CHD9: variants seen among roughly 807,000 people sequenced by gnomAD.
The protein encoded by CHD9 is chromodomain helicase DNA binding protein 9, also known as ATP-dependent chromatin remodeler CHD9.
A neutral mutation model predicts 316.1 loss-of-function variants in CHD9; 77 were observed. That is an observed-to-expected ratio of 0.24 (90% CI 0.20 to 0.29). CHD9 has a LOEUF of 0.29. Among genes scored for constraint, CHD9 ranks in the 10% least tolerant of loss-of-function variants. The pLI is 1.00. For synonymous variants in CHD9, 1,129 were observed against 1,158.3 expected, an observed-to-expected ratio of 0.97 and a Z score of 0.51; for missense variants, 2,763 against 3,438.1, an observed-to-expected ratio of 0.80 and a Z score of 4.91.
intron 1 of CHD9, among the ~76,000 whole-genome samples, chr16:53,065,929 G>A (rs2033458781): frequency 1.3e-5 from 2 of 152,142 alleles, no homozygotes; most frequent in African/African-American, 4.8e-5. Flanking sequence ...TTTGTCCAGA[G>A]ACACATCCTG....
Position 53,307,747 on chromosome 16 carries a change from G to A in CHD9, c.6847G>A (p.Ala2283Thr), listed in dbSNP as rs762018659. 6 of 1,612,476 alleles carry A rather than the reference G, an allele frequency of 3.7e-6. No homozygotes were observed. The South Asian group carries it at 5.5e-5, about 15-fold the overall frequency. ...QTVLKGKWPS[A>T]RRSYDANTVA... Reference sequence around the variant, plus strand: ...AGTTCTGAAAGGAAAGTGGCCTTCAGCTAGAAGAAGTTATGATGCTAACAC... The same window carrying A: ...AGTTCTGAAAGGAAAGTGGCCTTCAACTAGAAGAAGTTATGATGCTAACAC... Residue 2283 changes from alanine (A) to threonine (T), a missense_variant, in exon 33 of 39, where the codon GCT becomes ACT. Transcript: ENST00000447540.
chr16:53,280,641 A>G (rs553814850), intron 24 of CHD9, among the ~76,000 whole-genome samples: 91 of 152,134 alleles, frequency 6.0e-4, no homozygotes, highest in African/African-American at 2.1e-3. Flanking sequence ...TCATGTAACC[A>G]AATACCACCT....
intron 24 of CHD9, among the ~76,000 whole-genome samples, chr16:53,284,023 G>A (rs1260764840): frequency 6.6e-6 from 1 of 151,964 alleles, no homozygotes; most frequent in East Asian, 1.9e-4. Flanking sequence ...CTTGTCCTAG[G>A]AACATGTCGA....
chr16:53,228,960 T>C (rs1240991639), intron 7 of CHD9, 23 bp from the exon 8 acceptor site: 4 of 1,078,242 alleles, frequency 3.7e-6, no homozygotes, highest in Non-Finnish European at 5.3e-6. Context: ...CATTCTAATA[T>C]ATTATTTTTA....
At chr16:53,070,433 T>C (rs1449284915) in intron 1 of CHD9, among the ~76,000 whole-genome samples, 1 of 152,146 alleles carries the variant, frequency 6.6e-6, no homozygotes, top group African/African-American at 2.4e-5. Flanking sequence ...TCATGTAAGG[T>C]TAAGGATACA....
intron 1 of CHD9, among the ~76,000 whole-genome samples, chr16:53,146,419 G>GTGTATATATATATATATATATATATA (rs1555492145): frequency 2.9e-4 from 22 of 76,702 alleles, no homozygotes; most frequent in African/African-American, 7.1e-4. Flanking sequence ...GTGTGTGTAT[G>GTGTATATATATATATATATATATATA]TATATATATA....
At chr16:53,227,778 C>T in intron 7 of CHD9, 175 bp downstream of exon 7, 1 of 194,144 alleles carries the variant, frequency 5.2e-6, no homozygotes, top group Non-Finnish European at 1.0e-5. Context: ...CATTTGAAAA[C>T]CTTTCATGTT....
At chr16:53,312,357 A>C (rs2056539102) in intron 34 of CHD9, among the ~76,000 whole-genome samples, 1 of 152,224 alleles carries the variant, frequency 6.6e-6, no homozygotes, top group Admixed American at 6.5e-5. Context: ...ACGTTGGAAA[A>C]GAGGAAAGTC....
At chr16:53,093,426 A>G (rs1016172383) in intron 1 of CHD9, among the ~76,000 whole-genome samples, 3 of 152,204 alleles carry the variant, frequency 2.0e-5, no homozygotes, top group Non-Finnish European at 2.9e-5. Flanking sequence ...GTTAGGGATT[A>G]TCATCATCAT....
intron 30 of CHD9, among the ~76,000 whole-genome samples, chr16:53,302,385 C>G (rs556959009): frequency 6.6e-6 from 1 of 152,270 alleles, no homozygotes; most frequent in South Asian, 2.1e-4. Context: ...TGAGGTCATG[C>G]ATTTTTGGCA....
At chr16:53,236,734 T>A (rs2048665629) in intron 11 of CHD9, among the ~76,000 whole-genome samples, 1 of 151,722 alleles carries the variant, frequency 6.6e-6, no homozygotes, top group Non-Finnish European at 1.5e-5. Context: ...GCTTCATTGG[T>A]TAGTAGTTGG....
intron 24 of CHD9, among the ~76,000 whole-genome samples, chr16:53,280,173 A>ATT (rs2053266135): frequency 6.6e-6 from 1 of 152,196 alleles, no homozygotes; most frequent in East Asian, 1.9e-4. Flanking sequence ...ACTACTGGGT[A>ATT]TTTACCCAGA....
At chr16:53,204,345 A>G (rs2045723685) in intron 2 of CHD9, among the ~76,000 whole-genome samples, 1 of 152,194 alleles carries the variant, frequency 6.6e-6, no homozygotes, top group Non-Finnish European at 1.5e-5. Context: ...TGTTGGTTAC[A>G]TGTGAAATTA....
chr16:53,294,206 A>G (rs1174090954), intron 29 of CHD9, among the ~76,000 whole-genome samples: 1 of 152,190 alleles, frequency 6.6e-6, no homozygotes, highest in East Asian at 1.9e-4. Context: ...GTACATGGAA[A>G]AGAATAGCTA....
chr16:53,067,335 T>C (rs928660368), intron 1 of CHD9, among the ~76,000 whole-genome samples: 1 of 152,270 alleles, frequency 6.6e-6, no homozygotes, highest in Non-Finnish European at 1.5e-5. Context: ...CAACCTGATA[T>C]TGATACATTA....
chr16:53,264,154 G>A (rs956449425), intron 20 of CHD9, among the ~76,000 whole-genome samples: 4 of 152,134 alleles, frequency 2.6e-5, no homozygotes, highest in African/African-American at 9.6e-5. Flanking sequence ...CATTTTAATA[G>A]TTCGTTTGTA....
chr16:53,276,380 A>G (rs2052822216), intron 24 of CHD9, among the ~76,000 whole-genome samples: 4 of 152,344 alleles, frequency 2.6e-5, no homozygotes, highest in Admixed American at 2.6e-4. Flanking sequence ...TCTACTGTTT[A>G]ACTGTTGTGG....
intron 1 of CHD9, among the ~76,000 whole-genome samples, chr16:53,146,419 G>GTATGTGTA (rs59577921): frequency 1.3e-5 from 1 of 76,714 alleles, no homozygotes; most frequent in African/African-American, 5.9e-5. Flanking sequence ...GTGTGTGTAT[G>GTATGTGTA]TATATATATA....
chr16:53,105,135 G>A (rs1259187686), intron 1 of CHD9, among the ~76,000 whole-genome samples: 3 of 151,984 alleles, frequency 2.0e-5, no homozygotes, highest in Non-Finnish European at 2.9e-5. Context: ...GAGTCACCAC[G>A]CGCAGCCTCT....
Sources: gnomAD v4.1 joint callset for allele counts (sites outside exome capture counted in the v4.1 genomes callset) on GRCh38, gnomAD v4.1.1 for gene constraint, MANE v1.5 for transcripts, NCBI Gene and HGNC (gene_info 2026-07-23, HGNC 2026-07-21) for gene names.